MON2: variants seen among roughly 807,000 people sequenced by gnomAD.
MON2 encodes protein MON2 homolog.
In MON2, 84 loss-of-function variants were observed where a neutral mutation model predicts 208.6. The observed-to-expected ratio is 0.40, with a 90% confidence interval of 0.34 to 0.48. MON2 has a LOEUF of 0.48. MON2 is among the 20% of genes least tolerant of loss of function. The probability of loss-of-function intolerance (pLI) is 0.59; values close to 1 mark genes in which losing one functional copy is unlikely to be tolerated. For missense variants in MON2, 1,611 were observed against 2,015.4 expected, an observed-to-expected ratio of 0.80 and a Z score of 3.84; for synonymous variants, 660 against 694.0, an observed-to-expected ratio of 0.95 and a Z score of 0.77.
intron 2 of MON2, among the ~76,000 whole-genome samples, chr12:62,491,507 T>G (rs1187617499): frequency 2.0e-5 from 3 of 152,212 alleles, no homozygotes; most frequent in Non-Finnish European, 4.4e-5. Flanking sequence ...TTTTCCTTTA[T>G]TTGTCTGAAG....
chr12:62,544,998 C>T lies in MON2; in HGVS notation c.2567C>T (p.Ser856Leu), dbSNP rs756776926. 3 of 1,571,146 alleles carry T rather than the reference C, an allele frequency of 1.9e-6. No individual in the cohort carries two copies. In the South Asian group the frequency reaches 3.6e-5, roughly 19 times the overall value. The change falls in exon 21 of 35, where the codon TCA becomes TTA. Residue 856 changes from serine (S) to leucine (L), a missense_variant. Ser to Leu is a moderately radical substitution (Grantham distance 145, BLOSUM62 -2). Transcript: ENST00000393630. ...ACATTTAACCATGATCCTCCACTCTCACAAAACCAGGTAATAAAAACCTTA... is the reference window on the plus strand; with the variant it reads ...ACATTTAACCATGATCCTCCACTCTTACAAAACCAGGTAATAAAAACCTTA... ...GLTFNHDPPL[S>L]QNQRLQLLLL...
At chr12:62,485,995 C>A (rs976316466) in intron 2 of MON2, among the ~76,000 whole-genome samples, 2 of 152,154 alleles carry the variant, frequency 1.3e-5, no homozygotes, top group Non-Finnish European at 2.9e-5. Flanking sequence ...AGCCACTGCG[C>A]CCGGCCAGCA....
intron 23 of MON2, 27 bp downstream of exon 23, chr12:62,549,857 A>G: frequency 7.1e-7 from 1 of 1,405,908 alleles, no homozygotes; most frequent in South Asian, 1.5e-5. Flanking sequence ...TTAGAATATA[A>G]TATAATTTAG....
At chr12:62,489,385 C>A (rs1214283560) in intron 2 of MON2, among the ~76,000 whole-genome samples, 4 of 151,802 alleles carry the variant, frequency 2.6e-5, no homozygotes, top group Admixed American at 1.3e-4. Context: ...ACATTCATTT[C>A]TTCGAACTTT....
At chr12:62,518,305 C>T (rs1246950424) in intron 8 of MON2, among the ~76,000 whole-genome samples, 1 of 152,172 alleles carries the variant, frequency 6.6e-6, no homozygotes, top group Non-Finnish European at 1.5e-5. Context: ...CATAGCATTG[C>T]TTTGCATACA....
intron 8 of MON2, among the ~76,000 whole-genome samples, chr12:62,513,238 G>A (rs768019178): frequency 6.6e-6 from 1 of 151,892 alleles, no homozygotes; most frequent in Non-Finnish European, 1.5e-5. Context: ...TTCTTTTTGC[G>A]GGGGAGGGAT....
At chr12:62,568,889 G>A (rs1292965979) in intron 29 of MON2, among the ~76,000 whole-genome samples, 1 of 152,220 alleles carries the variant, frequency 6.6e-6, no homozygotes, top group East Asian at 1.9e-4. Flanking sequence ...TTGCCCTCAA[G>A]TGATCCGCTC....
chr12:62,469,012 G>T (rs1168999741), intron 1 of MON2, among the ~76,000 whole-genome samples: 3 of 152,002 alleles, frequency 2.0e-5, no homozygotes, highest in South Asian at 2.1e-4. Flanking sequence ...GCAGTGGTGC[G>T]ATCTGCAACC....
intron 20 of MON2, 90 bp from the exon 21 acceptor site, chr12:62,544,807 AC>A: frequency 6.4e-7 from 1 of 1,551,036 alleles, no homozygotes; most frequent in Non-Finnish European, 8.7e-7. Flanking sequence ...TTTTCTTCCA[AC>A]CCTTATTGAA....
At chr12:62,469,243 A>C (rs1220064138) in intron 1 of MON2, among the ~76,000 whole-genome samples, 1 of 151,364 alleles carries the variant, frequency 6.6e-6, no homozygotes, top group Non-Finnish European at 1.5e-5. Flanking sequence ...ATGCCCAGCC[A>C]GAAGCTGCTG....
rs1005987133 is a variant in MON2 at position 62,599,004 on chromosome 12, T to G, written c.*6255T>G. Reference sequence around the variant, plus strand: ...TCATTTTTTTCTTGAATATACTTTGTGTTTGCTTTCTCATCCCCGTTAAGT... The same window carrying G: ...TCATTTTTTTCTTGAATATACTTTGGGTTTGCTTTCTCATCCCCGTTAAGT... On this transcript the variant is annotated 3_prime_UTR_variant, in exon 35 of 35. Coordinates refer to ENST00000393630, the MANE Select transcript of MON2 (RefSeq NM_015026.3). 6.6e-5 allele frequency: 10 copies of G among 152,202 alleles called. No homozygotes were observed. The highest frequency in any genetic ancestry group is 1.3e-4 in the Non-Finnish European group (9 of 68,012). 9.4% of individuals were successfully genotyped at this position (152,202 alleles called of 1,614,324 possible).
At chr12:62,564,819 A>C (rs2074320617) in intron 26 of MON2, among the ~76,000 whole-genome samples, 2 of 152,188 alleles carry the variant, frequency 1.3e-5, no homozygotes, top group Non-Finnish European at 2.9e-5. Context: ...TTGGTGGACC[A>C]GGCATGGTGC....
intron 33 of MON2, 87 bp downstream of exon 33, chr12:62,585,588 G>C (rs779965363): frequency 6.5e-6 from 7 of 1,075,602 alleles, no homozygotes; most frequent in African/African-American, 1.6e-5. Flanking sequence ...AAGTGTTTTT[G>C]TAAGTGATCT....
chr12:62,481,655 AC>A (rs2069449577), intron 1 of MON2, among the ~76,000 whole-genome samples: 1 of 152,216 alleles, frequency 6.6e-6, no homozygotes, highest in Non-Finnish European at 1.5e-5. Context: ...TAATCAGAAA[AC>A]CAATAATCTT....
chr12:62,514,876 A>C (rs2071609294), intron 8 of MON2, among the ~76,000 whole-genome samples: 2 of 152,270 alleles, frequency 1.3e-5, no homozygotes, highest in South Asian at 2.1e-4. Flanking sequence ...CAAGCATATG[A>C]AAAGATGCTC....
At chr12:62,578,393 GTA>G in intron 30 of MON2, 50 bp from the exon 31 acceptor site, 1 of 1,145,344 alleles carries the variant, frequency 8.7e-7, no homozygotes, top group Non-Finnish European at 1.2e-6. Flanking sequence ...TATTTTGTTT[GTA>G]TTTGCAGGGA....
intron 8 of MON2, among the ~76,000 whole-genome samples, chr12:62,515,828 A>G (rs2071656570): frequency 1.3e-5 from 2 of 152,148 alleles, no homozygotes; most frequent in Non-Finnish European, 2.9e-5. Flanking sequence ...GAAAAAAAAA[A>G]AAGTTCTAGA....
At chr12:62,550,460 T>A (rs529600490) in intron 23 of MON2, among the ~76,000 whole-genome samples, 1 of 152,156 alleles carries the variant, frequency 6.6e-6, no homozygotes. Flanking sequence ...AATTGGAGGC[T>A]GCAGTGAGCT....
At chr12:62,510,162 T>C (rs929003054) in intron 8 of MON2, among the ~76,000 whole-genome samples, 12 of 152,012 alleles carry the variant, frequency 7.9e-5, no homozygotes, top group African/African-American at 2.7e-4. Context: ...GAATTAATAA[T>C]GAAAAACCTT....
Sources: allele counts gnomAD v4.1 joint callset (sites outside exome capture counted in the v4.1 genomes callset), GRCh38; gene constraint gnomAD v4.1.1; transcripts MANE v1.5; gene names NCBI Gene and HGNC (gene_info 2026-07-23, HGNC 2026-07-21).